LRRC7: variants seen among roughly 807,000 people sequenced by gnomAD.
LRRC7 encodes leucine-rich repeat-containing protein 7.
In LRRC7, 23 loss-of-function variants were observed where a neutral mutation model predicts 175.7. The observed-to-expected ratio is 0.13, with a 90% CI of 0.09 to 0.19. LRRC7 has a LOEUF of 0.19. LRRC7 is among the 10% of genes least tolerant of loss of function. The probability of loss-of-function intolerance (pLI) is 1.00; values close to 1 mark genes in which losing one functional copy is unlikely to be tolerated. For synonymous variants in LRRC7, 685 were observed against 680.9 expected, an observed-to-expected ratio of 1.01 and a Z score of -0.09; for missense variants, 1,354 against 1,904.7, an observed-to-expected ratio of 0.71 and a Z score of 5.38.
chr1:69,978,098 G>A (rs1653015186), intron 8 of LRRC7, among the ~76,000 whole-genome samples: 1 of 152,150 alleles, frequency 6.6e-6, no homozygotes, highest in Non-Finnish European at 1.5e-5. Context: ...AAGAGTTTGA[G>A]ACCAGCCTGG....
At chr1:69,759,076 A>G (rs1448240598) in intron 2 of LRRC7, among the ~76,000 whole-genome samples, 5 of 151,994 alleles carry the variant, frequency 3.3e-5, no homozygotes, top group South Asian at 4.1e-4. Flanking sequence ...TAGGAAAACA[A>G]TATGATTAGT....
At chr1:69,703,537 C>T (rs929118713) in intron 2 of LRRC7, among the ~76,000 whole-genome samples, 2 of 151,788 alleles carry the variant, frequency 1.3e-5, no homozygotes, top group African/African-American at 4.8e-5. Flanking sequence ...TACTAGCTGG[C>T]TAGTTTATCA....
At chr1:70,032,094 G>A (rs756736995) in intron 18 of LRRC7, among the ~76,000 whole-genome samples, 1 of 152,184 alleles carries the variant, frequency 6.6e-6, no homozygotes, top group Non-Finnish European at 1.5e-5. Context: ...ACCGCTCCCG[G>A]CCAAGGATTT....
At chr1:69,840,562 C>T (rs12063369) in intron 7 of LRRC7, among the ~76,000 whole-genome samples, 18,073 of 151,988 alleles carry the variant, frequency 0.12, 2,649 homozygotes, top group African/African-American at 0.35. Context: ...GTGCAAGAAT[C>T]ATAATATAAC....
chr1:69,787,790 A>G (rs1337285740), intron 3 of LRRC7, among the ~76,000 whole-genome samples: 3 of 152,036 alleles, frequency 2.0e-5, no homozygotes, highest in African/African-American at 7.2e-5. Context: ...AGCCAACTTA[A>G]AAGACTTGCC....
In LRRC7 at chr1:69,928,130, A is replaced by G. The variant is rs1218217983; in HGVS notation, c.648-3377A>G. ...GCTGCACAACAGCGGATTTTCGTGA[A>G]CCGTGAATGCTGCTGTCTGATCGTT... On this transcript the variant is annotated intron_variant, in intron 7 of 26. Coordinates refer to ENST00000651989, the MANE Select transcript of LRRC7 (RefSeq NM_001370785.2). 2.0e-5 allele frequency among the ~76,000 whole-genome samples: 3 copies of G among 152,224 alleles called. No homozygotes were observed. In the South Asian group the frequency reaches 6.2e-4, roughly 32 times the overall value.
At chr1:69,683,731 ATG>A (rs1305363241) in intron 2 of LRRC7, among the ~76,000 whole-genome samples, 1 of 152,166 alleles carries the variant, frequency 6.6e-6, no homozygotes, top group Non-Finnish European at 1.5e-5. Context: ...AAAATAAACA[ATG>A]TGGAAAAACT....
intron 7 of LRRC7, among the ~76,000 whole-genome samples, chr1:69,922,897 G>T (rs1314485467): frequency 6.6e-6 from 1 of 151,518 alleles, no homozygotes; most frequent in Non-Finnish European, 1.5e-5. Context: ...CGCCATGCTG[G>T]TGTGCTGCAC....
chr1:70,135,549 C>T lies in LRRC7; in HGVS notation c.*13662C>T, dbSNP rs1364210144. ...ACTGAGATCCTTTTGAAACATCTCA[C>T]GCACTCCTCCCCAACCCCGACTCCA... On this transcript the variant is annotated 3_prime_UTR_variant, in exon 27 of 27. Transcript: ENST00000651989. 6.6e-6 allele frequency among the ~76,000 whole-genome samples: 1 copy of T among 152,098 alleles called. No homozygotes were observed. Among genetic ancestry groups the T allele is most frequent in the African/African-American group, 2.4e-5 (1 of 41,390 alleles).
chr1:69,748,999 G>A (rs533482197), intron 2 of LRRC7, among the ~76,000 whole-genome samples: 24 of 152,216 alleles, frequency 1.6e-4, no homozygotes, highest in African/African-American at 5.5e-4. Flanking sequence ...CAACTTGCCT[G>A]GAAGCCAAAC....
rs973412614 is a variant in LRRC7, at chr1:69,910,905, G to A, written c.648-20602G>A. Among the ~76,000 whole-genome samples, 32 of 152,344 alleles carry A rather than the reference G, an allele frequency of 2.1e-4. 1 individual carries two copies. The highest frequency in any genetic ancestry group is 9.7e-4 in the East Asian group (5 of 5,164). On this transcript the variant is annotated intron_variant, in intron 7 of 26. Coordinates refer to ENST00000651989, the MANE Select transcript of LRRC7 (RefSeq NM_001370785.2). Reference sequence around the variant, plus strand: ...CCTAATCAAGCCTGGGCAATGGCAGGTGCCCCTTCCCCAGCCTCGCTGCCG... The same window carrying A: ...CCTAATCAAGCCTGGGCAATGGCAGATGCCCCTTCCCCAGCCTCGCTGCCG...
intron 7 of LRRC7, among the ~76,000 whole-genome samples, chr1:69,859,516 A>G (rs1442473106): frequency 6.6e-6 from 1 of 152,062 alleles, no homozygotes; most frequent in Admixed American, 6.6e-5. Context: ...TTTGTCAGGT[A>G]GTGAAGGTTT....
intron 1 of LRRC7, among the ~76,000 whole-genome samples, chr1:69,604,521 C>A (rs1189180314): frequency 6.6e-6 from 1 of 151,932 alleles, no homozygotes; most frequent in African/African-American, 2.4e-5. Flanking sequence ...TTCACTAATA[C>A]CTTAACTTGA....
At position 69,986,609 on chromosome 1, in the gene LRRC7, C is replaced by A. The variant is rs538203291; in HGVS notation, c.931+223C>A. Among the ~76,000 whole-genome samples, 3 of 152,134 alleles carry A rather than the reference C, an allele frequency of 2.0e-5. No homozygotes were observed. The South Asian group carries it at 6.2e-4, about 32-fold the overall frequency. The stretch of plus-strand genomic sequence containing the variant: ...GGCTCTTCTGTTAAAATGATCCTAC[C>A]AAATTGATATTGTTTAAAAATTGTT... On this transcript the variant is annotated intron_variant, in intron 10 of 26. Coordinates refer to ENST00000651989, the MANE Select transcript of LRRC7 (RefSeq NM_001370785.2).
At chr1:69,825,346 A>G (rs1342132300) in intron 4 of LRRC7, among the ~76,000 whole-genome samples, 3 of 152,198 alleles carry the variant, frequency 2.0e-5, no homozygotes, top group African/African-American at 7.2e-5. Flanking sequence ...TGATTATTGG[A>G]AGTAAAGATT....
chr1:69,583,983 C>T (rs534384308), intron 1 of LRRC7, among the ~76,000 whole-genome samples: 3 of 152,128 alleles, frequency 2.0e-5, no homozygotes, highest in African/African-American at 7.2e-5. Context: ...AGCAAAACGG[C>T]AGAGAAAAAC....
At chr1:69,758,494 A>G (rs1020398365) in intron 2 of LRRC7, among the ~76,000 whole-genome samples, 2 of 151,976 alleles carry the variant, frequency 1.3e-5, no homozygotes, top group African/African-American at 2.4e-5. Context: ...ATTGCCTCCA[A>G]ATATTTTTTT....
chr1:69,887,551 C>T (rs1645676642), intron 7 of LRRC7, among the ~76,000 whole-genome samples: 2 of 151,622 alleles, frequency 1.3e-5, no homozygotes, highest in African/African-American at 4.9e-5. Context: ...AACTTCTTTG[C>T]CTTTGGTTTG....
At chr1:69,821,750 C>T (rs916411151) in intron 4 of LRRC7, among the ~76,000 whole-genome samples, 6 of 151,852 alleles carry the variant, frequency 4.0e-5, no homozygotes, top group Admixed American at 6.6e-5. Context: ...AAAAAATTAG[C>T]CTGGTGTGTT....
Sources: gnomAD v4.1 joint callset for allele counts (sites outside exome capture counted in the v4.1 genomes callset) on GRCh38, gnomAD v4.1.1 for gene constraint, MANE v1.5 for transcripts, NCBI Gene and HGNC (gene_info 2026-07-23, HGNC 2026-07-21) for gene names.